The following PCDHA1 variants were observed in gnomAD, a reference collection of about 807,000 sequenced individuals.
PCDHA1 encodes protocadherin alpha 1, also known as protocadherin alpha-1.
In PCDHA1, 42 loss-of-function variants were observed where a neutral mutation model predicts 61.3. The ratio of observed to expected loss-of-function variants is 0.69; its 90% CI spans 0.54 to 0.89. PCDHA1 has a LOEUF of 0.89. PCDHA1 is among the 40% of genes least tolerant of loss of function. The pLI, the probability that PCDHA1 is intolerant of heterozygous loss-of-function variation, is 0.00. For synonymous variants in PCDHA1, 610 were observed against 553.8 expected, an observed-to-expected ratio of 1.10 and a Z score of -1.43; for missense variants, 1,256 against 1,235.3, an observed-to-expected ratio of 1.02 and a Z score of -0.25.
chr5:140,883,506 T>A (rs782204819), intron 1 of PCDHA1: 1 of 1,614,078 alleles, frequency 6.2e-7, no homozygotes, highest in Non-Finnish European at 8.5e-7. Context: ...GACAGCGCCC[T>A]GGACCGCGAG....
At chr5:140,864,675 T>A (rs1331256646) in intron 1 of PCDHA1, 6 of 152,254 alleles carry the variant, frequency 3.9e-5, no homozygotes, top group African/African-American at 1.4e-4. Context: ...GTTGACTTAA[T>A]TGCTGCTGTC....
chr5:140,958,799 C>T (rs889190378), intron 1 of PCDHA1, among the ~76,000 whole-genome samples: 3 of 152,104 alleles, frequency 2.0e-5, no homozygotes, highest in African/African-American at 7.2e-5. Context: ...AGTAAATTAT[C>T]ACACCATTCT....
intron 1 of PCDHA1, chr5:140,849,278 G>A (rs1427040308): frequency 8.5e-7 from 1 of 1,179,884 alleles, no homozygotes; most frequent in Non-Finnish European, 1.2e-6. Context: ...GAACGCTGGT[G>A]ATTCACCCCA....
intron 1 of PCDHA1, chr5:140,796,531 C>T (rs782446771): frequency 3.7e-6 from 6 of 1,612,656 alleles, no homozygotes; most frequent in Non-Finnish European, 5.1e-6. Flanking sequence ...GCTGCAGCCG[C>T]TGGACCACGA....
At position 140,849,456 on chromosome 5, in the gene PCDHA1, G is replaced by A. The variant is rs148680565; in HGVS notation, c.2394+60772G>A. On this transcript the variant is annotated intron_variant, in intron 1 of 3. Transcript: ENST00000504120. ...AAGTAGAGCACACAAGATCCCAGTC[G>A]AGGCTGTCGATAAAGGCTTCCCACC... The A allele has an allele frequency of 1.5e-5, 24 of 1,587,206 alleles. 3 individuals carry two copies. Among genetic ancestry groups the A allele is most frequent in the Non-Finnish European group, 1.8e-5 (21 of 1,161,294 alleles).
intron 1 of PCDHA1, among the ~76,000 whole-genome samples, chr5:140,880,422 C>T (rs782802267): frequency 6.6e-6 from 1 of 152,252 alleles, no homozygotes; most frequent in Non-Finnish European, 1.5e-5. Flanking sequence ...AAAGCGGGAA[C>T]AGTTTTTCCT....
In PCDHA1 at chr5:140,802,485, G is replaced by C; in HGVS notation, c.2394+13801G>C. The C allele has an allele frequency of 6.2e-7, 1 of 1,614,166 alleles. No individual in the cohort carries two copies. Among genetic ancestry groups the C allele is most frequent in the Non-Finnish European group, 8.5e-7 (1 of 1,180,022 alleles). ...TGAGCTGGTGGTGACTGCTCGGGACGGGGGCTCGCCTTCACTGTGGGCCAC... is the reference window on the plus strand; with the variant it reads ...TGAGCTGGTGGTGACTGCTCGGGACCGGGGCTCGCCTTCACTGTGGGCCAC... On this transcript the variant is annotated intron_variant, in intron 1 of 3. Coordinates refer to ENST00000504120, the MANE Select transcript of PCDHA1 (RefSeq NM_018900.4).
At chr5:140,825,350 T>TATATATTAGATATATCAATATCTAAA (rs1768518151) in intron 1 of PCDHA1, 1 of 147,632 alleles carries the variant, frequency 6.8e-6, no homozygotes, top group Non-Finnish European at 1.5e-5. Context: ...ATATATCTAA[T>TATATATTAGATATATCAATATCTAAA]ATATATTAGA....
rs1379948594 is a variant in PCDHA1, at chr5:140,982,575, G to A, written c.2542+12G>A. ...CAGTGCAACACCAGGTAAAGAGCTGGGGTCTCTCCATTCTTTCTTGGTTTC... is the reference window on the plus strand; with the variant it reads ...CAGTGCAACACCAGGTAAAGAGCTGAGGTCTCTCCATTCTTTCTTGGTTTC... On this transcript the variant is annotated intron_variant, in intron 3 of 3. Coordinates refer to ENST00000504120, the MANE Select transcript of PCDHA1 (RefSeq NM_018900.4). The A allele has an allele frequency of 6.2e-7, 1 of 1,613,444 alleles. No homozygotes were observed. The highest frequency in any genetic ancestry group is 8.5e-7 in the Non-Finnish European group (1 of 1,179,518).
chr5:140,802,842 G>A (rs782279925), intron 1 of PCDHA1: 1 of 1,613,724 alleles, frequency 6.2e-7, no homozygotes, highest in Non-Finnish European at 8.5e-7. Flanking sequence ...GGGCAGCAAC[G>A]TGACGCTGCA....
At chr5:140,792,256 C>T (rs1761702927) in intron 1 of PCDHA1, among the ~76,000 whole-genome samples, 1 of 152,026 alleles carries the variant, frequency 6.6e-6, no homozygotes, top group African/African-American at 2.4e-5. Flanking sequence ...TACTATATGC[C>T]TTCTCTTTTT....
At chr5:140,929,508 A>T in intron 1 of PCDHA1, 1 of 831,408 alleles carries the variant, frequency 1.2e-6, no homozygotes, top group Non-Finnish European at 1.7e-6. Context: ...CCTAGGCCTC[A>T]AGGGACTTAT....
At chr5:140,983,542 C>A (rs1554245538) in intron 3 of PCDHA1, among the ~76,000 whole-genome samples, 1 of 152,152 alleles carries the variant, frequency 6.6e-6, no homozygotes, top group African/African-American at 2.4e-5. Flanking sequence ...TGTGTGGTCT[C>A]ATTTATTCCT....
chr5:140,980,933 C>G (rs1376814777), intron 2 of PCDHA1, among the ~76,000 whole-genome samples: 1 of 152,120 alleles, frequency 6.6e-6, no homozygotes, highest in African/African-American at 2.4e-5. Flanking sequence ...CTGCTTTGAG[C>G]TGAGCTGGCT....
At chr5:140,980,555 G>A (rs1050580342) in intron 2 of PCDHA1, among the ~76,000 whole-genome samples, 1 of 152,068 alleles carries the variant, frequency 6.6e-6, no homozygotes, top group Non-Finnish European at 1.5e-5. Flanking sequence ...GCTTGAACCC[G>A]GGAGGCGGAA....
intron 1 of PCDHA1, among the ~76,000 whole-genome samples, chr5:140,944,361 A>G (rs1463339181): frequency 6.6e-6 from 1 of 151,888 alleles, no homozygotes; most frequent in Non-Finnish European, 1.5e-5. Flanking sequence ...CTAATTTTTA[A>G]TTTTTTATAG....
chr5:140,891,378 T>C (rs141028628), intron 1 of PCDHA1, among the ~76,000 whole-genome samples: 2 of 152,104 alleles, frequency 1.3e-5, no homozygotes, highest in African/African-American at 4.8e-5. Context: ...CATTGCACCA[T>C]ATTTGCAATC....
intron 1 of PCDHA1, chr5:140,969,086 G>A: frequency 6.2e-7 from 1 of 1,614,190 alleles, no homozygotes; most frequent in Non-Finnish European, 8.5e-7. Context: ...TGGCCTCAAA[G>A]TGCAGCCTCA....
At chr5:140,830,409 G>C (rs2150186179) in intron 1 of PCDHA1, 1 of 1,614,158 alleles carries the variant, frequency 6.2e-7, no homozygotes. Context: ...ATGGCCTTTA[G>C]CCCCAGCCTT....
Sources: allele counts gnomAD v4.1 joint callset (sites outside exome capture counted in the v4.1 genomes callset), GRCh38; gene constraint gnomAD v4.1.1; transcripts MANE v1.5; gene names NCBI Gene and HGNC (gene_info 2026-07-23, HGNC 2026-07-21).